Variants in DNAJC6 observed in about 807,000 individuals in gnomAD.
DNAJC6 encodes auxilin.
Under a neutral mutation model 110.0 loss-of-function variants are expected in DNAJC6, and 34 were observed. That is an observed-to-expected ratio of 0.31 (90% CI 0.24 to 0.41). The LOEUF (loss-of-function observed/expected upper bound fraction) is 0.41, where lower values mean the gene tolerates loss of function less well. Among genes scored for constraint, DNAJC6 ranks in the 10% least tolerant of loss-of-function variants. The probability of loss-of-function intolerance (pLI) is 1.00; values close to 1 mark genes in which losing one functional copy is unlikely to be tolerated. For synonymous variants in DNAJC6, 406 were observed against 437.2 expected (o/e 0.93, Z 0.89); for missense variants, 1,031 against 1,207.8 (o/e 0.85, Z 2.17).
chr1:65,266,266 T>C lies in DNAJC6; in HGVS notation c.-131+1334T>C, dbSNP rs1653327015. 3.8e-5 allele frequency among the ~76,000 whole-genome samples: 4 copies of C among 104,602 alleles called. No homozygotes were observed. The South Asian group carries it at 2.0e-3, about 53-fold the overall frequency. The allele number at this position is 104,602 out of a possible 152,430, so 68.6% of individuals were successfully genotyped here. A position where few individuals can be genotyped will look rare whatever the true frequency, so the allele number is the denominator to read the frequency against. The stretch of plus-strand genomic sequence containing the variant: ...GCAATGATATATACATATTCAACAT[T>C]AGAAAAAGAAGGAAAAAAAAACCCC... On this transcript the variant is annotated intron_variant, in intron 1 of 19. Coordinates refer to the DNAJC6 transcript ENST00000263441.
intron 1 of DNAJC6, among the ~76,000 whole-genome samples, chr1:65,359,924 T>C (rs1645582208): frequency 6.6e-6 from 1 of 152,198 alleles, no homozygotes; most frequent in African/African-American, 2.4e-5. Flanking sequence ...TCTTTCTACT[T>C]TTTTCAATCA....
At chr1:65,276,592 C>T (rs1175321155) in intron 1 of DNAJC6, among the ~76,000 whole-genome samples, 1 of 152,142 alleles carries the variant, frequency 6.6e-6, no homozygotes, top group Non-Finnish European at 1.5e-5. Context: ...ACCACCCCTT[C>T]CCCTTGACAG....
intron 1 of DNAJC6, among the ~76,000 whole-genome samples, chr1:65,342,626 T>C (rs1276313230): frequency 6.6e-6 from 1 of 152,192 alleles, no homozygotes; most frequent in African/African-American, 2.4e-5. Flanking sequence ...ACTTTGCTCC[T>C]CTGTAAAAAG....
chr1:65,289,608 A>T (rs1011347634), intron 1 of DNAJC6, among the ~76,000 whole-genome samples: 2 of 152,128 alleles, frequency 1.3e-5, no homozygotes, highest in African/African-American at 4.8e-5. Flanking sequence ...GGGTATTTGT[A>T]TGTAGTCTTT....
chr1:65,368,585 CTCTTCTTCTTCT>C (rs71895115), intron 4 of DNAJC6, among the ~76,000 whole-genome samples: 1 of 145,074 alleles, frequency 6.9e-6, no homozygotes, highest in South Asian at 2.3e-4. Flanking sequence ...CTTCTTCCTC[CTCTTCTTCTTCT>C]TCTTCTTCTC....
intron 1 of DNAJC6, among the ~76,000 whole-genome samples, chr1:65,347,193 T>A (rs2101504805): frequency 6.6e-6 from 1 of 152,308 alleles, no homozygotes; most frequent in East Asian, 1.9e-4. Flanking sequence ...ACACAAAATG[T>A]GTATATGTAC....
chr1:65,392,821 C>T lies in DNAJC6; in HGVS notation c.1859C>T (p.Ser620Phe), dbSNP rs1465473915. 2.9e-5 allele frequency: 45 copies of T among 1,560,868 alleles called. No individual in the cohort carries two copies. The highest frequency in any genetic ancestry group is 3.9e-5 in the Non-Finnish European group (45 of 1,155,394). The stretch of plus-strand genomic sequence containing the variant: ...TCTACCCAGTCAACACCACGCCGCT[C>T]TGCCACCTCCACCTCTGCGTCTCCA... ...PASTQSTPRR[S>F]ATSTSASPTL... The change falls in exon 12 of 19, where the codon TCT becomes TTT. Residue 620 changes from serine to phenylalanine, a missense_variant. Coordinates refer to ENST00000371069, the MANE Select transcript of DNAJC6 (RefSeq NM_001256864.2).
intron 4 of DNAJC6, among the ~76,000 whole-genome samples, chr1:65,367,856 C>T (rs2101563105): frequency 7.0e-6 from 1 of 143,728 alleles, no homozygotes; most frequent in East Asian, 2.1e-4. Context: ...CTTACTTGCC[C>T]TAGAAGAGGA....
At chr1:65,366,685 T>C (rs1281800715) in intron 4 of DNAJC6, among the ~76,000 whole-genome samples, 1 of 152,152 alleles carries the variant, frequency 6.6e-6, no homozygotes, top group Non-Finnish European at 1.5e-5. Flanking sequence ...ATATTCCTAG[T>C]TTCACCTTGG....
At chr1:65,410,827 G>A (rs1375656930) in intron 17 of DNAJC6, among the ~76,000 whole-genome samples, 1 of 152,196 alleles carries the variant, frequency 6.6e-6, no homozygotes, top group Non-Finnish European at 1.5e-5. Flanking sequence ...CAGGCAAAGA[G>A]AAACACACAA....
rs1421197686 is a variant in DNAJC6, at chr1:65,405,226, A to T, written c.2228-644A>T. On this transcript the variant is annotated intron_variant, in intron 15 of 18. Transcript: ENST00000371069. ...ACATCATTTTCAAAGCTTGAATAAG[A>T]TCCTTTGTCCTGTTTAAAGTTATCA... 2.0e-5 allele frequency among the ~76,000 whole-genome samples: 3 copies of T among 152,196 alleles called. No homozygotes were observed. The South Asian group carries it at 6.2e-4, about 31-fold the overall frequency.
chr1:65,358,471 G>T (rs2101539318), intron 1 of DNAJC6, among the ~76,000 whole-genome samples: 1 of 152,228 alleles, frequency 6.6e-6, no homozygotes, highest in East Asian at 1.9e-4. Context: ...CCTTCATAGG[G>T]TATTTGTGAA....
At chr1:65,367,014 T>G (rs1050933410) in intron 4 of DNAJC6, among the ~76,000 whole-genome samples, 1 of 152,210 alleles carries the variant, frequency 6.6e-6, no homozygotes, top group Non-Finnish European at 1.5e-5. Context: ...TGATAATCTC[T>G]GGGCCTCAGT....
At chr1:65,340,680 T>TA (rs1645380630) in intron 1 of DNAJC6, among the ~76,000 whole-genome samples, 1 of 152,166 alleles carries the variant, frequency 6.6e-6, no homozygotes, top group Admixed American at 6.5e-5. Context: ...TTAAGTGTGA[T>TA]AATCTATATG....
chr1:65,286,905 C>CTAATA (rs1654035185), intron 1 of DNAJC6, among the ~76,000 whole-genome samples: 1 of 152,164 alleles, frequency 6.6e-6, no homozygotes, highest in African/African-American at 2.4e-5. Flanking sequence ...AATCAGAGAG[C>CTAATA]TAATAGATAG....
chr1:65,336,653 T>C (rs952166805), intron 1 of DNAJC6, among the ~76,000 whole-genome samples: 4 of 152,186 alleles, frequency 2.6e-5, no homozygotes, highest in African/African-American at 9.7e-5. Flanking sequence ...TATTTGAATA[T>C]GCCTCTAACA....
intron 15 of DNAJC6, 107 bp from the exon 16 acceptor site, chr1:65,405,763 T>C: frequency 7.7e-7 from 1 of 1,293,186 alleles, no homozygotes; most frequent in Non-Finnish European, 1.1e-6. Flanking sequence ...ACTTATGCTG[T>C]CAGTCAAGGG....
chr1:65,364,786 G>A lies in DNAJC6; in HGVS notation c.344+1G>A. 6.2e-7 allele frequency: 1 copy of A among 1,612,134 alleles called. No homozygotes were observed. Among genetic ancestry groups the A allele is most frequent in the Non-Finnish European group, 8.5e-7 (1 of 1,178,896 alleles). On this transcript the variant is annotated splice_donor_variant, in intron 2 of 18. Coordinates refer to ENST00000371069, the MANE Select transcript of DNAJC6 (RefSeq NM_001256864.2). LOFTEE classifies it high-confidence loss of function. ...CTAGAGTGATACAATCTGTGACCAG[G>A]TACGCACATTCTTCCCAGTTAATTT...
chr1:65,366,939 T>G (rs1645652451), intron 4 of DNAJC6, among the ~76,000 whole-genome samples: 1 of 152,186 alleles, frequency 6.6e-6, no homozygotes, highest in Non-Finnish European at 1.5e-5. Context: ...TGGTTGACAA[T>G]GCTGTGTATC....
Sources: gnomAD v4.1 joint callset for allele counts (sites outside exome capture counted in the v4.1 genomes callset) on GRCh38, gnomAD v4.1.1 for gene constraint, MANE v1.5 for transcripts, NCBI Gene and HGNC (gene_info 2026-07-23, HGNC 2026-07-21) for gene names.